The following CCSER1 variants were observed in gnomAD, a reference collection of about 807,000 sequenced individuals.
The protein encoded by CCSER1 is serine-rich coiled-coil domain-containing protein 1.
In CCSER1, 41 loss-of-function variants were observed where a neutral mutation model predicts 82.0. That is an observed-to-expected ratio of 0.50 (90% CI 0.39 to 0.65). CCSER1 has a LOEUF of 0.65. Ranked by LOEUF, CCSER1 falls within the 30% of genes least tolerant of loss-of-function variation. The probability of loss-of-function intolerance (pLI) is 0.00; values close to 1 mark genes in which losing one functional copy is unlikely to be tolerated. For missense variants in CCSER1, 1,119 were observed against 1,064.2 expected (o/e 1.05, Z -0.72); for synonymous variants, 414 against 383.9 (o/e 1.08, Z -0.92).
intron 9 of CCSER1, among the ~76,000 whole-genome samples, chr4:90,961,063 T>C (rs1734006505): frequency 6.6e-6 from 1 of 152,168 alleles, no homozygotes; most frequent in Non-Finnish European, 1.5e-5. Flanking sequence ...AGCACCAGAA[T>C]TGCCCTAATG....
intron 5 of CCSER1, among the ~76,000 whole-genome samples, chr4:90,601,036 C>T (rs894718631): frequency 3.3e-5 from 5 of 151,834 alleles, no homozygotes; most frequent in Non-Finnish European, 7.4e-5. Context: ...TGTACAAACT[C>T]GTTAAATAAC....
At chr4:91,079,917 C>T (rs1722504984) in intron 9 of CCSER1, among the ~76,000 whole-genome samples, 2 of 152,180 alleles carry the variant, frequency 1.3e-5, no homozygotes, top group Admixed American at 6.5e-5. Context: ...ATTCATGAAG[C>T]AAGCCTTGAG....
rs1414428603 is a variant in CCSER1, at chr4:91,012,259, G to A, written c.2173-73691G>A. Among the ~76,000 whole-genome samples the A allele has an allele frequency of 3.0e-5, 4 of 134,062 alleles. 1 individual carries two copies. Among genetic ancestry groups the A allele is most frequent in the Non-Finnish European group, 6.9e-5 (4 of 57,630 alleles). The allele number at this position is 134,062 out of a possible 152,430, so 87.9% of individuals were successfully genotyped here. A position where few individuals can be genotyped will look rare whatever the true frequency, so the allele number is the denominator to read the frequency against. On this transcript the variant is annotated intron_variant, in intron 9 of 10. Coordinates refer to ENST00000509176, the MANE Select transcript of CCSER1 (RefSeq NM_001145065.2). The stretch of plus-strand genomic sequence containing the variant: ...TTGCAGCCAAAGCATTGTTTCCCCA[G>A]GATTCAGGGTACCACTTCAGCTCTA...
chr4:91,340,260 A>G (rs1747623271), intron 10 of CCSER1, among the ~76,000 whole-genome samples: 1 of 152,258 alleles, frequency 6.6e-6, no homozygotes, highest in Non-Finnish European at 1.5e-5. Flanking sequence ...TTCTTATTGT[A>G]CTACATTGTG....
intron 7 of CCSER1, among the ~76,000 whole-genome samples, chr4:90,732,860 T>A (rs1190461869): frequency 6.6e-6 from 1 of 152,242 alleles, no homozygotes; most frequent in Non-Finnish European, 1.5e-5. Flanking sequence ...AATGATAGCA[T>A]CTAATTCTTT....
At chr4:91,522,603 G>T (rs1021835395) in intron 10 of CCSER1, among the ~76,000 whole-genome samples, 36 of 152,102 alleles carry the variant, frequency 2.4e-4, no homozygotes, top group African/African-American at 8.2e-4. Context: ...CTTGTAAGTT[G>T]GATTCCTAGG....
chr4:91,379,076 C>T (rs565978412), intron 10 of CCSER1, among the ~76,000 whole-genome samples: 54 of 152,256 alleles, frequency 3.5e-4, no homozygotes, highest in South Asian at 1.7e-3. Flanking sequence ...TATGTTGAAC[C>T]AGCCTTGCAT....
intron 3 of CCSER1, among the ~76,000 whole-genome samples, chr4:90,327,952 A>C (rs1738528792): frequency 6.6e-6 from 1 of 152,122 alleles, no homozygotes; most frequent in African/African-American, 2.4e-5. Flanking sequence ...TCACAGTGCG[A>C]AATCTCCTGT....
intron 7 of CCSER1, among the ~76,000 whole-genome samples, chr4:90,811,726 G>GAAATCA (rs1758316991): frequency 6.6e-6 from 1 of 152,032 alleles, no homozygotes; most frequent in Non-Finnish European, 1.5e-5. Context: ...GTCTTAAGGT[G>GAAATCA]GCGGAAGAGG....
At chr4:91,028,082 A>G (rs1368684750) in intron 9 of CCSER1, among the ~76,000 whole-genome samples, 1 of 152,054 alleles carries the variant, frequency 6.6e-6, no homozygotes, top group Admixed American at 6.6e-5. Flanking sequence ...TTATAATTGA[A>G]CATACTTGTA....
intron 9 of CCSER1, among the ~76,000 whole-genome samples, chr4:90,990,402 C>T (rs1736925319): frequency 6.6e-6 from 1 of 151,972 alleles, no homozygotes; most frequent in African/African-American, 2.4e-5. Context: ...TTTGCCATTG[C>T]AGAGGATAGA....
chr4:91,489,266 G>GT (rs1450542245), intron 10 of CCSER1, among the ~76,000 whole-genome samples: 3 of 152,130 alleles, frequency 2.0e-5, no homozygotes, highest in Admixed American at 2.0e-4. Flanking sequence ...ATGTAGATGA[G>GT]TAAGAGCAGC....
At chr4:90,885,155 A>G (rs770614236) in intron 8 of CCSER1, among the ~76,000 whole-genome samples, 1 of 152,124 alleles carries the variant, frequency 6.6e-6, no homozygotes, top group Non-Finnish European at 1.5e-5. Flanking sequence ...TCTCAGAGGA[A>G]ATCAATAACC....
chr4:91,006,878 AC>A (rs1738564274), intron 9 of CCSER1, among the ~76,000 whole-genome samples: 1 of 152,130 alleles, frequency 6.6e-6, no homozygotes, highest in Non-Finnish European at 1.5e-5. Flanking sequence ...AGATCTTTCA[AC>A]TTTTTCCTGT....
At chr4:91,530,112 A>G (rs1760948605) in intron 10 of CCSER1, among the ~76,000 whole-genome samples, 1 of 152,080 alleles carries the variant, frequency 6.6e-6, no homozygotes, top group Non-Finnish European at 1.5e-5. Context: ...AAATTAATCA[A>G]TGAAACAGTT....
intron 9 of CCSER1, among the ~76,000 whole-genome samples, chr4:90,966,163 G>T (rs1005029350): frequency 1.3e-5 from 2 of 152,000 alleles, no homozygotes; most frequent in African/African-American, 2.4e-5. Context: ...GATTTAAGAA[G>T]GAGTGAAGAG....
chr4:90,128,492 TGC>T (rs1722215043), intron 1 of CCSER1, among the ~76,000 whole-genome samples: 2 of 123,870 alleles, frequency 1.6e-5, no homozygotes, highest in African/African-American at 6.2e-5. Flanking sequence ...CCAGGTTGTG[TGC>T]GTGTGTGTGT....
rs1024219207 is a variant in CCSER1 at position 90,491,911 on chromosome 4, T to C, written c.1724+23557T>C. Among the ~76,000 whole-genome samples the C allele has an allele frequency of 5.1e-4, 77 of 152,226 alleles. 1 individual carries two copies. The Middle Eastern group carries it at 0.014, about 27-fold the overall frequency. On this transcript the variant is annotated intron_variant, in intron 5 of 10. Coordinates refer to ENST00000509176, the MANE Select transcript of CCSER1 (RefSeq NM_001145065.2). ...AAGCTTTTTGATGTGCTGCTGGATT[T>C]GGTTTGCCAGTATTTTATTGAGGAT...
intron 8 of CCSER1, among the ~76,000 whole-genome samples, chr4:90,829,632 G>A (rs1241279703): frequency 6.6e-6 from 1 of 152,124 alleles, no homozygotes; most frequent in East Asian, 1.9e-4. Flanking sequence ...GCAAGTTTCA[G>A]AGCAGGAGTG....
Sources: gnomAD v4.1 joint callset for allele counts (sites outside exome capture counted in the v4.1 genomes callset) on GRCh38, gnomAD v4.1.1 for gene constraint, MANE v1.5 for transcripts, NCBI Gene and HGNC (gene_info 2026-07-23, HGNC 2026-07-21) for gene names.